The following DONSON variants were observed in gnomAD, a reference collection of about 807,000 sequenced individuals.
DONSON encodes DNA replication fork stabilization factor DONSON.
In DONSON, 43 loss-of-function variants were observed where a neutral mutation model predicts 62.1. That is an observed-to-expected ratio of 0.69 (90% confidence interval 0.54 to 0.89). The LOEUF (loss-of-function observed/expected upper bound fraction) is 0.89, where lower values mean the gene tolerates loss of function less well. Among genes scored for constraint, DONSON ranks in the 40% least tolerant of loss-of-function variants. The probability of loss-of-function intolerance (pLI) is 0.00; values close to 1 mark genes in which losing one functional copy is unlikely to be tolerated. For missense variants in DONSON, 696 were observed against 697.5 expected (o/e 1.00, Z 0.03); for synonymous variants, 266 against 264.6 (o/e 1.01, Z -0.05).
At position 33,578,459 on chromosome 21, in the gene DONSON, G is replaced by A. The variant is rs1453441930; in HGVS notation, c.1564-15C>T. 2 of 1,605,494 alleles carry A rather than the reference G, an allele frequency of 1.2e-6. No homozygotes were observed. The highest frequency in any genetic ancestry group is 1.7e-5 in the Admixed American group (1 of 58,724). ...TGAACAACCTCCTGTGGAAATGTGTGTACAAGTCAGTAAAAAGCACATTAG... is the reference window on the plus strand; with the variant it reads ...TGAACAACCTCCTGTGGAAATGTGTATACAAGTCAGTAAAAAGCACATTAG... On this transcript the variant is annotated splice_polypyrimidine_tract_variant and intron_variant, in intron 9 of 9. Coordinates refer to ENST00000303071, the MANE Select transcript of DONSON (RefSeq NM_017613.4).
rs1435346296 is a variant in DONSON, at chr21:33,581,482, T to G, written c.1170A>C (p.Glu390Asp). Residue 390 changes from glutamate (E) to aspartate (D), a missense_variant, in exon 8 of 10, where the codon GAA (glutamate) becomes GAC (aspartate). Transcript: ENST00000303071. The part of the protein sequence containing the change: ...LSIKLRKEKH[E>D]VQMDHRPESV... Reference sequence around the variant, plus strand: ...ATTCAGGTCTGTGATCCATTTGTACTTCATGTTTCTCTTTACGCCTGAAGA... The same window carrying G: ...ATTCAGGTCTGTGATCCATTTGTACGTCATGTTTCTCTTTACGCCTGAAGA... The G allele has an allele frequency of 6.2e-7, 1 of 1,613,230 alleles. No homozygotes were observed. The highest frequency in any genetic ancestry group is 8.5e-7 in the Non-Finnish European group (1 of 1,179,428).
rs925152027 is a variant in DONSON at position 33,579,203 on chromosome 21, CATT to C, written c.1563+144_1563+146del. The C allele has an allele frequency of 5.4e-6, 3 of 560,670 alleles. No homozygotes were observed. In the African/African-American group the frequency reaches 5.7e-5, roughly 11 times the overall value. 34.7% of individuals were successfully genotyped at this position (560,670 alleles called of 1,614,324 possible). ...CTACCTCACATAAACAACTTACAGA[CATT>C]ATTCCTTCCTCTAGTAATTCATAAT... is the stretch of plus-strand genomic sequence containing the variant. On this transcript the variant is annotated intron_variant, in intron 9 of 9. Coordinates refer to ENST00000303071, the MANE Select transcript of DONSON (RefSeq NM_017613.4).
intron 5 of DONSON, 149 bp downstream of exon 5, chr21:33,583,339 G>A (rs1052308455): frequency 2.5e-5 from 16 of 640,768 alleles, no homozygotes; most frequent in Non-Finnish European, 3.9e-5. Context: ...TAATTGTGGG[G>A]GAGGGAAAAA....
At chr21:33,584,378 ATACAT>A (rs1569076532) in intron 4 of DONSON, among the ~76,000 whole-genome samples, 2 of 151,860 alleles carry the variant, frequency 1.3e-5, no homozygotes. Flanking sequence ...CAACACTTAT[ATACAT>A]TCTACCACAA....
chr21:33,580,153 C>T (rs900256304), intron 8 of DONSON, among the ~76,000 whole-genome samples: 1 of 151,774 alleles, frequency 6.6e-6, no homozygotes. Context: ...CGCTTGAGCC[C>T]GTTAGGCAGA....
intron 2 of DONSON, 95 bp downstream of exon 2, chr21:33,587,427 T>C: frequency 7.0e-7 from 1 of 1,430,480 alleles, no homozygotes; most frequent in South Asian, 1.6e-5. Flanking sequence ...AAAATGCTTC[T>C]GAGAAGTATA....
chr21:33,588,667 G>C lies in DONSON; in HGVS notation c.-26C>G. The C allele has an allele frequency of 3.3e-6, 4 of 1,229,370 alleles. No homozygotes were observed. The highest frequency in any genetic ancestry group is 4.1e-6 in the Non-Finnish European group (4 of 985,438). 76.2% of individuals were successfully genotyped at this position (1,229,370 alleles called of 1,614,324 possible). A position where few individuals can be genotyped will look rare whatever the true frequency, so the allele number is the denominator to read the frequency against. On this transcript the variant is annotated 5_prime_UTR_variant, in exon 1 of 10. Transcript: ENST00000303071. ...GACGCGCGGCGGCTGAGGGTAGCCG[G>C]CCGCCCTACAGAGACTTCCCGCGCG...
In DONSON at chr21:33,579,451, G is replaced by C. The variant is rs2086480432; in HGVS notation, c.1462C>G (p.Leu488Val). 3.1e-6 allele frequency: 5 copies of C among 1,614,218 alleles called. No individual in the cohort carries two copies. Among genetic ancestry groups the C allele is most frequent in the Non-Finnish European group, 3.4e-6 (4 of 1,180,032 alleles). The change falls in exon 9 of 10, where the codon CTC becomes GTC. Residue 488 changes from leucine (L) to valine (V), a missense_variant. Leu to Val is a conservative substitution (Grantham distance 32). Coordinates refer to ENST00000303071, the MANE Select transcript of DONSON (RefSeq NM_017613.4). ...AAAGATCCACTCTGTGAAGATTTGA[G>C]CAGCATGGTCAGTGAATGCAGAGAA... is the stretch of plus-strand genomic sequence containing the variant. ...PHSLHSLTMLLKSSQSGSFSA... is the reference protein window; with the variant it reads ...PHSLHSLTMLVKSSQSGSFSA...
rs1569077151 is a variant in DONSON at position 33,586,052 on chromosome 21, T to C, written c.532A>G (p.Lys178Glu). The change falls in exon 3 of 10, where the codon AAA becomes GAA. Residue 178 changes from lysine to glutamate, a missense_variant. Transcript: ENST00000303071. ...SQPFTWADHL[K>E]AQEEAQGLVQ... ...AGACCTTGAGCTTCTTCCTGTGCTT[T>C]CAAATGATCTGCCCAGGTAAAGGGT... 3.1e-6 allele frequency: 5 copies of C among 1,614,218 alleles called. No homozygotes were observed. The highest frequency in any genetic ancestry group is 4.2e-6 in the Non-Finnish European group (5 of 1,180,036).
intron 1 of DONSON, 147 bp from the exon 2 acceptor site, chr21:33,587,749 A>G (rs564931075): frequency 3.5e-6 from 2 of 567,778 alleles, no homozygotes; most frequent in South Asian, 2.6e-5. Context: ...ATGAGTTTCA[A>G]CACTTCAGTT....
rs1223804778 is a variant in DONSON, at chr21:33,586,118, C to G, written c.466G>C (p.Asp156His). 1 of 1,614,156 alleles carries G rather than the reference C, an allele frequency of 6.2e-7. No individual in the cohort carries two copies. The change falls in exon 3 of 10, where the codon GAC (aspartate) becomes CAC (histidine). Residue 156 changes from aspartate to histidine, a missense_variant. Physicochemically the swap from Asp to His is moderately conservative, Grantham distance 81 (BLOSUM62 -1). Transcript: ENST00000303071. ...PSSKSTELPV[D>H]WSIKTRLLFT... ...AGGAGTCGCGTTTTAATACTCCAGT[C>G]CACAGGTAACTCAGTACTTTTTGAG...
rs753128062 is a variant in DONSON at position 33,588,357 on chromosome 21, G to A, written c.285C>T (p.Asp95=). 13 of 1,294,326 alleles carry A rather than the reference G, an allele frequency of 1.0e-5. No individual in the cohort carries two copies. The highest frequency in any genetic ancestry group is 1.5e-5 in the African/African-American group (1 of 65,304). The allele number at this position is 1,294,326 out of a possible 1,614,324, so 80.2% of individuals were successfully genotyped here. A position where few individuals can be genotyped will look rare whatever the true frequency, so the allele number is the denominator to read the frequency against. ...CCTCCGGCTGCTCGCGGGCCGGCCC[G>A]TCGGGGGGCTCCGCGGCGACCCGCG... is the stretch of plus-strand genomic sequence containing the variant. ...NRPRVAAEPP[D]GPAREQPEAP... The change falls in exon 1 of 10, where the codon GAC becomes GAT. Residue 95 remains aspartate (D), a synonymous_variant. Coordinates refer to ENST00000303071, the MANE Select transcript of DONSON (RefSeq NM_017613.4).
chr21:33,585,750 T>C (rs534441943), intron 3 of DONSON, among the ~76,000 whole-genome samples: 1 of 152,082 alleles, frequency 6.6e-6, no homozygotes, highest in African/African-American at 2.4e-5. Flanking sequence ...CTGATTAATT[T>C]GCAAGACAAG....
At chr21:33,581,833 T>G (rs1382291550) in intron 7 of DONSON, 118 bp downstream of exon 7, 1 of 924,238 alleles carries the variant, frequency 1.1e-6, no homozygotes. Context: ...GGAGAATTAG[T>G]TTTAATATGA....
chr21:33,580,628 A>G (rs76383794), intron 8 of DONSON, among the ~76,000 whole-genome samples: 1 of 151,262 alleles, frequency 6.6e-6, no homozygotes, highest in Admixed American at 6.6e-5. Flanking sequence ...TGTCTCCCCA[A>G]CCAAAAAAAG....
chr21:33,587,277 C>A (rs1404177845), intron 2 of DONSON: 5 of 805,770 alleles, frequency 6.2e-6, no homozygotes, highest in Non-Finnish European at 7.5e-6. Flanking sequence ...AAAACCCCCA[C>A]GTCTATCAGG....
At position 33,577,786 on chromosome 21, in the gene DONSON, A is replaced by G. The variant is rs2086451507; in HGVS notation, c.*521T>C. On this transcript the variant is annotated 3_prime_UTR_variant, in exon 10 of 10. Transcript: ENST00000303071. The stretch of plus-strand genomic sequence containing the variant: ...TAACACTATTCTATGTGGAATACAA[A>G]ATGCCTTTTTATCTGAATTAACATG... The G allele has an allele frequency of 6.5e-6, 1 of 153,042 alleles. No individual in the cohort carries two copies. Among genetic ancestry groups the G allele is most frequent in the Non-Finnish European group, 1.5e-5 (1 of 68,742 alleles). The allele number at this position is 153,042 out of a possible 1,614,324, so 9.5% of individuals were successfully genotyped here.
At chr21:33,578,553 C>A (rs1333043441) in intron 9 of DONSON, 109 bp from the exon 10 acceptor site, 8 of 1,189,324 alleles carry the variant, frequency 6.7e-6, no homozygotes, top group Non-Finnish European at 9.1e-6. Flanking sequence ...TAATGTGATT[C>A]ATCCTATTAA....
intron 9 of DONSON, 150 bp from the exon 10 acceptor site, chr21:33,578,594 A>G (rs1438733568): frequency 3.7e-6 from 3 of 811,710 alleles, no homozygotes; most frequent in Non-Finnish European, 5.3e-6. Flanking sequence ...TTTTGTAGTG[A>G]CAAAATCCCA....
Sources: gnomAD v4.1 joint callset for allele counts (sites outside exome capture counted in the v4.1 genomes callset) on GRCh38, gnomAD v4.1.1 for gene constraint, MANE v1.5 for transcripts, NCBI Gene and HGNC (gene_info 2026-07-23, HGNC 2026-07-21) for gene names.